The following ZNG1E variants were observed in gnomAD, a reference collection of about 807,000 sequenced individuals.
ZNG1E encodes Zn regulated GTPase metalloprotein activator 1E.
chr9:65,706,468 T>C, the ZNG1E span: 3 of 94,266 alleles, frequency 3.2e-5, no homozygotes, highest in Non-Finnish European at 3.9e-5. Flanking sequence ...TTTTTCTTTT[T>C]TTTTTTTTTC....
At chr9:65,716,732 AG>A in the ZNG1E span, among the ~76,000 whole-genome samples, 2 of 149,096 alleles carry the variant, frequency 1.3e-5, no homozygotes, top group Non-Finnish European at 3.0e-5. Context: ...TGGGACAGGC[AG>A]GGCAGTTATT....
the ZNG1E span, among the ~76,000 whole-genome samples, chr9:65,725,497 T>C: frequency 3.0e-5 from 4 of 131,512 alleles, no homozygotes; most frequent in Non-Finnish European, 6.3e-5. Context: ...ACTCCTGATA[T>C]TAGTGGATTC....
the ZNG1E span, among the ~76,000 whole-genome samples, chr9:65,667,960 T>C: frequency 7.1e-6 from 1 of 140,818 alleles, no homozygotes; most frequent in South Asian, 2.4e-4. Flanking sequence ...TGCACCATTG[T>C]ACTCCAGCCT....
the ZNG1E span, among the ~76,000 whole-genome samples, chr9:65,713,981 T>A: frequency 6.6e-6 from 1 of 151,294 alleles, no homozygotes; most frequent in East Asian, 1.9e-4. Context: ...TCCCCGTCAC[T>A]TTCAGGTACA....
chr9:65,687,886 T>C, the ZNG1E span, among the ~76,000 whole-genome samples: 1 of 151,278 alleles, frequency 6.6e-6, no homozygotes, highest in East Asian at 1.9e-4. Context: ...GTGTCACTTA[T>C]AATCATTTTT....
At chr9:65,664,069 A>C in the ZNG1E span, among the ~76,000 whole-genome samples, 2 of 152,228 alleles carry the variant, frequency 1.3e-5, no homozygotes, top group Non-Finnish European at 2.9e-5. Flanking sequence ...ATCATACTGC[A>C]TACTTATGAA....
the ZNG1E span, among the ~76,000 whole-genome samples, chr9:65,717,789 G>A: frequency 6.8e-5 from 10 of 146,934 alleles, no homozygotes; most frequent in Admixed American, 5.4e-4. Flanking sequence ...CTGGGCTTAA[G>A]CCATCTTCCC....
At chr9:65,687,865 G>C in the ZNG1E span, among the ~76,000 whole-genome samples, 2 of 150,404 alleles carry the variant, frequency 1.3e-5, no homozygotes, top group African/African-American at 2.4e-5. Flanking sequence ...ATATAAACAA[G>C]GTATATCTAA....
the ZNG1E span, among the ~76,000 whole-genome samples, chr9:65,658,312 A>G: frequency 6.6e-6 from 1 of 151,904 alleles, no homozygotes; most frequent in African/African-American, 2.4e-5. Context: ...GGAAATTTGA[A>G]CAATAAATAA....
the ZNG1E span, among the ~76,000 whole-genome samples, chr9:65,715,446 A>G: frequency 6.7e-6 from 1 of 149,096 alleles, no homozygotes. Flanking sequence ...TTAATAATGG[A>G]TTAGTTTTCT....
chr9:65,687,989 C>G, the ZNG1E span, among the ~76,000 whole-genome samples: 3 of 151,016 alleles, frequency 2.0e-5, no homozygotes, highest in Non-Finnish European at 2.9e-5. Context: ...ATTAGATCCT[C>G]TACTTCATGA....
At chr9:65,660,145 A>G in the ZNG1E span, among the ~76,000 whole-genome samples, 5 of 133,036 alleles carry the variant, frequency 3.8e-5, no homozygotes, top group Non-Finnish European at 7.8e-5. Flanking sequence ...TGAGCTGTGC[A>G]TGTAACATAA....
At chr9:65,716,473 T>C in the ZNG1E span, among the ~76,000 whole-genome samples, 27 of 150,484 alleles carry the variant, frequency 1.8e-4, no homozygotes, top group African/African-American at 6.4e-4. Context: ...TATGTATTTC[T>C]AATTTTGCCT....
chr9:65,675,060 C>T, the ZNG1E span, among the ~76,000 whole-genome samples: 1 of 148,824 alleles, frequency 6.7e-6, no homozygotes. Flanking sequence ...TCTCTAAGTA[C>T]ATACGTGGGA....
chr9:65,683,396 A>G, the ZNG1E span: 1 of 155,682 alleles, frequency 6.4e-6, no homozygotes, highest in Non-Finnish European at 1.4e-5. Flanking sequence ...AATCATGACA[A>G]GAAACTCTAA....
chr9:65,693,850 C>T, the ZNG1E span, among the ~76,000 whole-genome samples: 1 of 151,786 alleles, frequency 6.6e-6, no homozygotes, highest in African/African-American at 2.4e-5. Context: ...AGCCACCACG[C>T]CCGGCCTGAA....
the ZNG1E span, among the ~76,000 whole-genome samples, chr9:65,657,935 A>G: frequency 6.6e-6 from 1 of 152,268 alleles, no homozygotes; most frequent in African/African-American, 2.4e-5. Flanking sequence ...ACCCATCTCT[A>G]CTAAAAATAC....
the ZNG1E span, among the ~76,000 whole-genome samples, chr9:65,716,350 G>A: frequency 5.6e-3 from 836 of 149,552 alleles, 2 homozygotes; most frequent in African/African-American, 0.02. Context: ...TAAGCATGGG[G>A]TCTTGCTATG....
At chr9:65,658,634 C>T in the ZNG1E span, among the ~76,000 whole-genome samples, 53 of 149,454 alleles carry the variant, frequency 3.5e-4, no homozygotes, top group South Asian at 6.7e-3. Context: ...ATTATTTGTG[C>T]GATTTTAAAA....
Sources: allele counts gnomAD v4.1 joint callset (sites outside exome capture counted in the v4.1 genomes callset), GRCh38; gene constraint gnomAD v4.1.1; transcripts MANE v1.5; gene names NCBI Gene and HGNC (gene_info 2026-07-23, HGNC 2026-07-21).